The following NFIB variants were observed in gnomAD, a reference collection of about 807,000 sequenced individuals.
The protein encoded by NFIB is nuclear factor I B.
Under a neutral mutation model 61.5 loss-of-function variants are expected in NFIB, and 11 were observed. The observed-to-expected ratio is 0.18, with a 90% CI of 0.11 to 0.30. The LOEUF (loss-of-function observed/expected upper bound fraction) is 0.30, where lower values mean the gene tolerates loss of function less well. Ranked by LOEUF, NFIB falls within the 10% of genes least tolerant of loss-of-function variation. NFIB has a pLI of 1.00. For synonymous variants in NFIB, 260 were observed against 216.5 expected, an observed-to-expected ratio of 1.20 and a Z score of -1.76; for missense variants, 471 against 608.9, an observed-to-expected ratio of 0.77 and a Z score of 2.38.
At chr9:14,506,144 T>G in the NFIB span, among the ~76,000 whole-genome samples, 2 of 152,228 alleles carry the variant, frequency 1.3e-5, no homozygotes, top group African/African-American at 4.8e-5. Context: ...TGAAATTTGG[T>G]GTGTAAGTTT....
the NFIB span, among the ~76,000 whole-genome samples, chr9:14,518,536 AAC>A: frequency 6.6e-6 from 1 of 151,880 alleles, no homozygotes; most frequent in Non-Finnish European, 1.5e-5. Context: ...GGAAACAAAA[AAC>A]AGAGTGGATA....
chr9:14,245,148 A>G (rs2054774568), intron 2 of NFIB, among the ~76,000 whole-genome samples: 1 of 152,132 alleles, frequency 6.6e-6, no homozygotes, highest in Non-Finnish European at 1.5e-5. Context: ...ATGCCTACCC[A>G]ACCTAGAAGA....
chr9:14,126,969 G>A (rs979228433), intron 6 of NFIB, among the ~76,000 whole-genome samples: 21 of 152,300 alleles, frequency 1.4e-4, no homozygotes, highest in African/African-American at 4.6e-4. Context: ...CTAGTGAGGC[G>A]ATGTGGACAA....
At chr9:14,423,225 T>C in the NFIB span, among the ~76,000 whole-genome samples, 1 of 152,230 alleles carries the variant, frequency 6.6e-6, no homozygotes, top group South Asian at 2.1e-4. Flanking sequence ...CGTACTCATC[T>C]ACTTCATTCT....
chr9:14,225,743 C>A (rs1484695349), intron 2 of NFIB, among the ~76,000 whole-genome samples: 1 of 152,024 alleles, frequency 6.6e-6, no homozygotes, highest in Admixed American at 6.6e-5. Flanking sequence ...GATTCACTCT[C>A]AACTTTACTG....
At chr9:14,116,946 A>T (rs929366842) in intron 8 of NFIB, among the ~76,000 whole-genome samples, 1 of 152,220 alleles carries the variant, frequency 6.6e-6, no homozygotes, top group African/African-American at 2.4e-5. Context: ...ACATTAGGCA[A>T]TTTAGATTCC....
At chr9:14,099,519 G>C (rs2035396662) in intron 10 of NFIB, among the ~76,000 whole-genome samples, 1 of 151,914 alleles carries the variant, frequency 6.6e-6, no homozygotes, top group South Asian at 2.1e-4. Flanking sequence ...CCACCGACAA[G>C]GGCTATTTGT....
At chr9:14,218,512 A>G (rs1024309263) in intron 2 of NFIB, among the ~76,000 whole-genome samples, 5 of 152,214 alleles carry the variant, frequency 3.3e-5, no homozygotes, top group Non-Finnish European at 7.4e-5. Flanking sequence ...ACAGCAATGC[A>G]CTGCTGTAGA....
chr9:14,306,005 A>G (rs1202347673), intron 2 of NFIB: 1 of 1,275,028 alleles, frequency 7.8e-7, no homozygotes, highest in South Asian at 1.8e-5. Context: ...TATTTGAAGA[A>G]AAGAAATTCT....
intron 6 of NFIB, 112 bp downstream of exon 6, chr9:14,146,576 GA>G (rs1343939770): frequency 4.7e-5 from 68 of 1,440,946 alleles, no homozygotes; most frequent in Non-Finnish European, 5.8e-5. Flanking sequence ...ATCATTTTAT[GA>G]AAAAAATATA....
intron 2 of NFIB, chr9:14,300,249 T>C (rs1588213912): frequency 2.5e-6 from 1 of 398,382 alleles, no homozygotes; most frequent in African/African-American, 2.1e-5. Context: ...TGCTTGGCAC[T>C]GGGGCATGCA....
At chr9:14,410,781 G>T in the NFIB span, among the ~76,000 whole-genome samples, 2 of 152,124 alleles carry the variant, frequency 1.3e-5, no homozygotes, top group African/African-American at 4.8e-5. Flanking sequence ...GTGCTCTGGG[G>T]TCTACAGTGC....
intron 2 of NFIB, among the ~76,000 whole-genome samples, chr9:14,235,149 G>A (rs1427939504): frequency 1.3e-5 from 2 of 152,014 alleles, no homozygotes; most frequent in Non-Finnish European, 2.9e-5. Context: ...ACAAAATAAA[G>A]AATAAACACC....
chr9:14,224,626 A>T (rs1250150314), intron 2 of NFIB, among the ~76,000 whole-genome samples: 1 of 152,228 alleles, frequency 6.6e-6, no homozygotes, highest in Non-Finnish European at 1.5e-5. Flanking sequence ...TGTATTAGGT[A>T]TTGTAAGTAG....
the NFIB span, among the ~76,000 whole-genome samples, chr9:14,496,588 A>G: frequency 1.3e-5 from 2 of 152,152 alleles, no homozygotes; most frequent in Non-Finnish European, 2.9e-5. Flanking sequence ...GCTCCATCTT[A>G]GTTGTCATTA....
At chr9:14,354,965 C>T (rs960724517) in intron 1 of NFIB, among the ~76,000 whole-genome samples, 1 of 151,822 alleles carries the variant, frequency 6.6e-6, no homozygotes, top group Non-Finnish European at 1.5e-5. Flanking sequence ...ATGAGAGAAG[C>T]GAACCAGAGG....
the NFIB span, among the ~76,000 whole-genome samples, chr9:14,447,958 C>T: frequency 2.0e-5 from 3 of 152,092 alleles, no homozygotes; most frequent in South Asian, 6.2e-4. Context: ...AGGTACCTAC[C>T]CTGAAATTGG....
intron 2 of NFIB, among the ~76,000 whole-genome samples, chr9:14,285,283 T>G (rs1469862351): frequency 6.6e-6 from 1 of 152,018 alleles, no homozygotes; most frequent in Non-Finnish European, 1.5e-5. Flanking sequence ...CCACCACACC[T>G]GGCTAATTTT....
chr9:14,446,467 T>C, the NFIB span, among the ~76,000 whole-genome samples: 1 of 152,172 alleles, frequency 6.6e-6, no homozygotes, highest in Non-Finnish European at 1.5e-5. Context: ...TCTGGATAAT[T>C]TCTACAGATC....
Sources: allele counts gnomAD v4.1 joint callset (sites outside exome capture counted in the v4.1 genomes callset), GRCh38; gene constraint gnomAD v4.1.1; transcripts MANE v1.5; gene names NCBI Gene and HGNC (gene_info 2026-07-23, HGNC 2026-07-21).